Variants in NRXN3 observed in about 807,000 individuals in gnomAD.
The protein encoded by NRXN3 is neurexin III.
A neutral mutation model predicts 137.6 loss-of-function variants in NRXN3; 32 were observed. That is an observed-to-expected ratio of 0.23 (90% confidence interval 0.18 to 0.31). NRXN3 has a LOEUF of 0.31. NRXN3 is among the 10% of genes least tolerant of loss of function. The pLI is 1.00. For missense variants in NRXN3, 1,574 were observed against 2,062.5 expected (o/e 0.76, Z 4.59); for synonymous variants, 798 against 784.5 (o/e 1.02, Z -0.29).
chr14:79,461,240 C>T (rs1435461477), intron 15 of NRXN3, among the ~76,000 whole-genome samples: 3 of 152,152 alleles, frequency 2.0e-5, no homozygotes, highest in African/African-American at 7.2e-5. Flanking sequence ...AAGGGAGGAT[C>T]TGATTCTATT....
At chr14:79,625,978 GT>G (rs1434779207) in intron 16 of NRXN3, among the ~76,000 whole-genome samples, 1 of 152,132 alleles carries the variant, frequency 6.6e-6, no homozygotes, top group Non-Finnish European at 1.5e-5. Context: ...CTAGAAAATT[GT>G]TGGGAAATAC....
At chr14:78,813,091 T>G (rs1596115921) in intron 10 of NRXN3, among the ~76,000 whole-genome samples, 1 of 152,284 alleles carries the variant, frequency 6.6e-6, no homozygotes, top group East Asian at 1.9e-4. Flanking sequence ...TGAAACCAAG[T>G]TGATATATTA....
intron 4 of NRXN3, among the ~76,000 whole-genome samples, chr14:78,355,188 C>G (rs1250961779): frequency 6.6e-6 from 1 of 152,158 alleles, no homozygotes; most frequent in Admixed American, 6.5e-5. Flanking sequence ...TTAAATCCAC[C>G]TTTCTCCCCT....
chr14:78,811,847 G>A (rs2098914612), intron 10 of NRXN3, among the ~76,000 whole-genome samples: 1 of 151,920 alleles, frequency 6.6e-6, no homozygotes, highest in Non-Finnish European at 1.5e-5. Context: ...CCTTGTCTTG[G>A]CATCACTTAC....
intron 15 of NRXN3, among the ~76,000 whole-genome samples, chr14:79,277,350 G>A (rs188650069): frequency 7.9e-5 from 12 of 152,306 alleles, no homozygotes; most frequent in South Asian, 2.1e-4. Context: ...CATCTAGGCC[G>A]CCTTAAGGCC....
chr14:79,316,983 C>T (rs977211656), intron 15 of NRXN3, among the ~76,000 whole-genome samples: 2 of 152,128 alleles, frequency 1.3e-5, no homozygotes, highest in Non-Finnish European at 2.9e-5. Context: ...GTAATCCCAG[C>T]ACTTTGGGAG....
chr14:78,646,156 C>G (rs951142808), intron 5 of NRXN3, among the ~76,000 whole-genome samples: 3 of 152,172 alleles, frequency 2.0e-5, no homozygotes, highest in Admixed American at 2.0e-4. Context: ...GAACTCCCAT[C>G]GCTTGCCGAT....
chr14:79,386,455 T>C (rs1250989124), intron 15 of NRXN3, among the ~76,000 whole-genome samples: 16 of 151,866 alleles, frequency 1.1e-4, no homozygotes, highest in African/African-American at 2.9e-4. Context: ...TAAAAGAGGA[T>C]ACAAACAAAT....
chr14:78,380,218 TC>T (rs1463731483), intron 4 of NRXN3, among the ~76,000 whole-genome samples: 1 of 139,254 alleles, frequency 7.2e-6, no homozygotes, highest in Admixed American at 8.3e-5. Context: ...GTTTGGCCCC[TC>T]AAAAGATGTG....
chr14:79,078,815 CT>C (rs1384439382), intron 15 of NRXN3, among the ~76,000 whole-genome samples: 1 of 152,100 alleles, frequency 6.6e-6, no homozygotes, highest in Non-Finnish European at 1.5e-5. Context: ...AGGTAAATTC[CT>C]CTCTTTGGGC....
intron 20 of NRXN3, among the ~76,000 whole-genome samples, chr14:79,811,743 G>A (rs1001724936): frequency 9.2e-5 from 14 of 151,586 alleles, no homozygotes; most frequent in Admixed American, 5.9e-4. Context: ...CACCACGCCC[G>A]GCTAATTTTT....
chr14:78,547,794 G>T (rs2096650676), intron 4 of NRXN3, among the ~76,000 whole-genome samples: 2 of 130,022 alleles, frequency 1.5e-5, no homozygotes, highest in African/African-American at 5.3e-5. Context: ...TTGAGAAAAG[G>T]TACTGATTTT....
intron 10 of NRXN3, among the ~76,000 whole-genome samples, chr14:78,955,880 A>G (rs2099395991): frequency 1.3e-5 from 2 of 152,120 alleles, no homozygotes; most frequent in African/African-American, 4.8e-5. Context: ...AGGAGGGAGG[A>G]GTGTAGCTAG....
chr14:79,617,333 T>C (rs1354345290), intron 16 of NRXN3, among the ~76,000 whole-genome samples: 1 of 146,772 alleles, frequency 6.8e-6, no homozygotes, highest in Non-Finnish European at 1.5e-5. Flanking sequence ...GCATCCCCAA[T>C]GGCTTTTCAA....
At chr14:78,229,587 G>A (rs565480842) in intron 1 of NRXN3, among the ~76,000 whole-genome samples, 4 of 152,192 alleles carry the variant, frequency 2.6e-5, no homozygotes, top group South Asian at 2.1e-4. Flanking sequence ...CTAGTGATCC[G>A]AACCAGAATC....
intron 15 of NRXN3, among the ~76,000 whole-genome samples, chr14:79,062,759 G>A (rs895568289): frequency 6.6e-6 from 1 of 152,056 alleles, no homozygotes; most frequent in African/African-American, 2.4e-5. Flanking sequence ...GTAATCAAAG[G>A]GTTTGTAACA....
rs1488546108 is a variant in NRXN3 at position 79,865,882 on chromosome 14, C to T, written c.*3918C>T. On this transcript the variant is annotated 3_prime_UTR_variant, in exon 21 of 21. Transcript: ENST00000335750. The stretch of plus-strand genomic sequence containing the variant: ...CGAACTCCTTACTTCAAGTGATCCA[C>T]CCACCTTGGCCTTGCAAAATGCTGG... 2 of 152,162 alleles carry T rather than the reference C, an allele frequency of 1.3e-5. No homozygotes were observed. The highest frequency in any genetic ancestry group is 2.4e-5 in the African/African-American group (1 of 41,428). 9.4% of individuals were successfully genotyped at this position (152,162 alleles called of 1,614,324 possible).
intron 15 of NRXN3, among the ~76,000 whole-genome samples, chr14:78,991,630 T>G (rs1033670715): frequency 6.6e-6 from 1 of 152,184 alleles, no homozygotes; most frequent in Admixed American, 6.5e-5. Flanking sequence ...GGTCTTATAT[T>G]TTCCAAAATA....
intron 1 of NRXN3, among the ~76,000 whole-genome samples, chr14:78,227,758 C>G (rs1032588356): frequency 1.3e-5 from 2 of 152,292 alleles, no homozygotes; most frequent in African/African-American, 4.8e-5. Flanking sequence ...AAATTTGGAG[C>G]TAAGACTTGG....
Sources: allele counts gnomAD v4.1 joint callset (sites outside exome capture counted in the v4.1 genomes callset), GRCh38; gene constraint gnomAD v4.1.1; transcripts MANE v1.5; gene names NCBI Gene and HGNC (gene_info 2026-07-23, HGNC 2026-07-21).